Variants in PTCHD4 observed in about 807,000 individuals in gnomAD.
The protein encoded by PTCHD4 is patched domain-containing protein 4.
Under a neutral mutation model 58.1 loss-of-function variants are expected in PTCHD4, and 33 were observed. That is an observed-to-expected ratio of 0.57 (90% CI 0.43 to 0.76). The LOEUF (loss-of-function observed/expected upper bound fraction) is 0.76, where lower values mean the gene tolerates loss of function less well. PTCHD4 is among the 30% of genes least tolerant of loss of function. PTCHD4 has a pLI of 0.00. For synonymous variants in PTCHD4, 478 were observed against 409.6 expected (o/e 1.17, Z -2.02); for missense variants, 1,058 against 1,027.1 (o/e 1.03, Z -0.41).
intron 4 of PTCHD4, among the ~76,000 whole-genome samples, chr6:47,966,777 G>A (rs1021330879): frequency 6.6e-6 from 1 of 152,120 alleles, no homozygotes; most frequent in African/African-American, 2.4e-5. Context: ...CTCATCTGTT[G>A]AATATTTATC....
chr6:48,011,719 G>A (rs562556246), intron 3 of PTCHD4, among the ~76,000 whole-genome samples: 127 of 152,284 alleles, frequency 8.3e-4, no homozygotes, highest in Non-Finnish European at 1.5e-3. Flanking sequence ...TTACATTTAA[G>A]TCTTTAATCC....
In PTCHD4 at chr6:47,872,688, G is replaced by A. The variant is rs1054373928; in HGVS notation, c.*5615C>T. On this transcript the variant is annotated 3_prime_UTR_variant, in exon 5 of 5. Coordinates refer to ENST00000339488, the MANE Select transcript of PTCHD4 (RefSeq NM_001384253.1). ...TAATTTAAGATAGTGCAAAATCAGT[G>A]ATAGTTTCCTTTATAAATACTTTAT... 1.3e-5 allele frequency among the ~76,000 whole-genome samples: 2 copies of A among 151,628 alleles called. No individual in the cohort carries two copies. Among genetic ancestry groups the A allele is most frequent in the African/African-American group, 4.8e-5 (2 of 41,352 alleles).
intron 1 of PTCHD4, among the ~76,000 whole-genome samples, chr6:48,108,807 AC>A (rs1378081405): frequency 1.2e-4 from 18 of 151,928 alleles, no homozygotes; most frequent in Non-Finnish European, 5.9e-5. Flanking sequence ...GCTTCATAAT[AC>A]AGAGAACAAC....
At position 47,874,938 on chromosome 6, in the gene PTCHD4, ATC is replaced by A. The variant is rs1763808901; in HGVS notation, c.*3363_*3364del. On this transcript the variant is annotated 3_prime_UTR_variant, in exon 5 of 5. Coordinates refer to ENST00000339488, the MANE Select transcript of PTCHD4 (RefSeq NM_001384253.1). ...TAAACGGTAAAAAATCTTTTAGCTGATCTCTCTGTAATTTAGGTGAGTACCTC... is the reference window on the plus strand; with the variant it reads ...TAAACGGTAAAAAATCTTTTAGCTGATCTCTGTAATTTAGGTGAGTACCTC... Among the ~76,000 whole-genome samples the A allele has an allele frequency of 5.9e-5, 9 of 151,948 alleles. No homozygotes were observed. The South Asian group carries it at 1.7e-3, about 28-fold the overall frequency.
In PTCHD4 at chr6:47,879,383, G is replaced by A. The variant is rs528743841; in HGVS notation, c.1452C>T (p.Asp484=). The part of the protein sequence containing the change: ...FSFMGCLQIS[D]GANIINLLAS... Reference sequence around the variant, plus strand: ...CTAGTAGATTGATGATGTTGGCTCCGTCACTGATCTGTAAGCACCCCATGA... The same window carrying A: ...CTAGTAGATTGATGATGTTGGCTCCATCACTGATCTGTAAGCACCCCATGA... The change falls in exon 5 of 5, where the codon GAC becomes GAT. Residue 484 remains aspartate (D), a synonymous_variant. Coordinates refer to ENST00000339488, the MANE Select transcript of PTCHD4 (RefSeq NM_001384253.1). 31 of 1,613,610 alleles carry A rather than the reference G, an allele frequency of 1.9e-5. No individual in the cohort carries two copies. The highest frequency in any genetic ancestry group is 1.4e-4 in the South Asian group (13 of 91,068).
chr6:48,001,848 G>A (rs1768735367), intron 4 of PTCHD4, among the ~76,000 whole-genome samples: 1 of 152,182 alleles, frequency 6.6e-6, no homozygotes, highest in Non-Finnish European at 1.5e-5. Context: ...GAAAATTTTT[G>A]CAATCTACTC....
chr6:47,879,157 C>A lies in PTCHD4; in HGVS notation c.1678G>T (p.Val560Phe). Residue 560 changes from valine (V) to phenylalanine (F), a missense_variant, in exon 5 of 5, where the codon GTC becomes TTC. Physicochemically the swap from Val to Phe is conservative, Grantham distance 50 (BLOSUM62 -1). Transcript: ENST00000339488. ...AAGTCACTTTTGTTATTGGCACTGA[C>A]GTTGCTGACTTTCAGGAACTGGTAG... ...QYYQFLKVSNVSANNKSDFIS... is the reference protein window; with the variant it reads ...QYYQFLKVSNFSANNKSDFIS... 1 of 1,611,976 alleles carries A rather than the reference C, an allele frequency of 6.2e-7. No individual in the cohort carries two copies. The highest frequency in any genetic ancestry group is 8.5e-7 in the Non-Finnish European group (1 of 1,179,688).
chr6:47,890,875 A>AT (rs925265775), intron 4 of PTCHD4: 32 of 983,798 alleles, frequency 3.3e-5, no homozygotes, highest in Admixed American at 3.1e-4. Context: ...GAAGTTTTCA[A>AT]TTTTTTTCTC....
Position 48,068,298 on chromosome 6 carries a change from T to C in PTCHD4, c.349A>G (p.Thr117Ala), listed in dbSNP as rs781447775. The C allele has an allele frequency of 9.3e-6, 15 of 1,611,764 alleles. No homozygotes were observed. Among genetic ancestry groups the C allele is most frequent in the South Asian group, 5.5e-5 (5 of 90,994 alleles). ...RYGRVILLSP[T>A]GDNILLQAEG... is the part of the protein sequence containing the mutation. Reference sequence around the variant, plus strand: ...GCCTGGAGCAAAATATTGTCCCCGGTTGGGGAGAGGAGGATCACCCTGCCA... The same window carrying C: ...GCCTGGAGCAAAATATTGTCCCCGGCTGGGGAGAGGAGGATCACCCTGCCA... Residue 117 changes from threonine (T) to alanine (A), a missense_variant, in exon 3 of 5, where the codon ACC (threonine) becomes GCC (alanine). Transcript: ENST00000339488. This position sits in a 1 kb window ranked among gnomAD's most constrained non-coding sequence, Gnocchi z 4.2.
At chr6:47,999,824 C>T (rs190164198) in intron 4 of PTCHD4, among the ~76,000 whole-genome samples, 1 of 152,164 alleles carries the variant, frequency 6.6e-6, no homozygotes, top group East Asian at 1.9e-4. Context: ...ATTATCTGAC[C>T]CAGAAAGAAC....
chr6:48,078,889 C>G (rs1284673315), intron 1 of PTCHD4, among the ~76,000 whole-genome samples: 1 of 151,894 alleles, frequency 6.6e-6, no homozygotes, highest in African/African-American at 2.4e-5. Flanking sequence ...GAGGCGGAGG[C>G]GGGCGGATCA....
chr6:48,095,740 A>AAC (rs1483158163), intron 1 of PTCHD4, among the ~76,000 whole-genome samples: 1 of 151,822 alleles, frequency 6.6e-6, no homozygotes, highest in African/African-American at 2.4e-5. Flanking sequence ...ACCAAAAAAA[A>AAC]AAAAAAACAA....
chr6:47,963,408 T>A (rs1767171110), intron 4 of PTCHD4, among the ~76,000 whole-genome samples: 1 of 152,114 alleles, frequency 6.6e-6, no homozygotes, highest in Non-Finnish European at 1.5e-5. Context: ...ATGGTGTAGC[T>A]GCTATGAAAA....
At chr6:47,925,757 T>C (rs1180942740) in intron 4 of PTCHD4, among the ~76,000 whole-genome samples, 1 of 152,232 alleles carries the variant, frequency 6.6e-6, no homozygotes, top group Non-Finnish European at 1.5e-5. Flanking sequence ...TCTTCGCTTC[T>C]GGTCAGATGC....
intron 4 of PTCHD4, among the ~76,000 whole-genome samples, chr6:47,986,593 G>A (rs1387860740): frequency 6.6e-6 from 1 of 152,072 alleles, no homozygotes. Context: ...GCTTCTACCT[G>A]TCTTCAACTG....
At chr6:48,050,428 C>T (rs1419263517) in intron 3 of PTCHD4, among the ~76,000 whole-genome samples, 2 of 151,930 alleles carry the variant, frequency 1.3e-5, no homozygotes, top group East Asian at 3.9e-4. Context: ...AAACTGAAGA[C>T]TGAGGGAACT....
At chr6:48,036,603 G>T (rs1289690043) in intron 3 of PTCHD4, among the ~76,000 whole-genome samples, 6 of 151,990 alleles carry the variant, frequency 3.9e-5, no homozygotes, top group Non-Finnish European at 8.8e-5. Flanking sequence ...ATTCTGTTGT[G>T]GTACTGCAGT....
intron 4 of PTCHD4, among the ~76,000 whole-genome samples, chr6:47,912,278 C>T (rs1017570083): frequency 1.3e-5 from 2 of 151,818 alleles, no homozygotes; most frequent in Admixed American, 6.6e-5. Flanking sequence ...CACCCCCATC[C>T]CATCCCCCAC....
chr6:47,964,765 A>T (rs1251396885), intron 4 of PTCHD4, among the ~76,000 whole-genome samples: 1 of 152,196 alleles, frequency 6.6e-6, no homozygotes, highest in African/African-American at 2.4e-5. Context: ...AAAGTTCCAC[A>T]TTCTGTTTAA....
Sources: gnomAD v4.1 joint callset for allele counts (sites outside exome capture counted in the v4.1 genomes callset) on GRCh38, gnomAD v4.1.1 for gene constraint, Gnocchi (gnomAD v3.1) non-coding constraint, MANE v1.5 for transcripts, NCBI Gene and HGNC (gene_info 2026-07-23, HGNC 2026-07-21) for gene names.